HAS3: variants seen among roughly 807,000 people sequenced by gnomAD.
HAS3 encodes the protein HA synthase 3.
Under a neutral mutation model 50.3 loss-of-function variants are expected in HAS3, and 27 were observed. The observed-to-expected ratio is 0.54, with a 90% CI of 0.40 to 0.74. HAS3 has a LOEUF of 0.74. Ranked by LOEUF, HAS3 falls within the 30% of genes least tolerant of loss-of-function variation. The probability of loss-of-function intolerance (pLI) is 0.00; values close to 1 mark genes in which losing one functional copy is unlikely to be tolerated. For missense variants in HAS3, 517 were observed against 742.8 expected (o/e 0.70, Z 3.53); for synonymous variants, 339 against 310.9 (o/e 1.09, Z -0.95).
Position 69,117,562 on chromosome 16 carries a change from T to C in HAS3, c.*2296T>C. ...GTTTCTACAATAATTTGTAAACATA[T>C]TTATTTTTACCTGCTTTTTTTTTTT... On this transcript the variant is annotated 3_prime_UTR_variant, in exon 4 of 4. Coordinates refer to ENST00000569188, the MANE Select transcript of HAS3 (RefSeq NM_001199280.2). 1 of 897,330 alleles carries C rather than the reference T, an allele frequency of 1.1e-6. No individual in the cohort carries two copies. Among genetic ancestry groups the C allele is most frequent in the Non-Finnish European group, 1.3e-6 (1 of 754,756 alleles). The allele number at this position is 897,330 out of a possible 1,614,324, so 55.6% of individuals were successfully genotyped here.
chr16:69,102,201 C>T (rs906310500), upstream of HAS3, among the ~76,000 whole-genome samples: 2 of 152,136 alleles, frequency 1.3e-5, no homozygotes, highest in Admixed American at 6.6e-5. Flanking sequence ...AGGGCTTCAG[C>T]GTTTGTTAAA....
the HAS3 span, among the ~76,000 whole-genome samples, chr16:69,100,118 A>T: frequency 4.6e-5 from 7 of 152,208 alleles, no homozygotes; most frequent in Non-Finnish European, 1.0e-4. Flanking sequence ...TAACGGCAGC[A>T]CAGGAAAGTC....
rs1282247337 is a variant in HAS3 at position 69,106,097 on chromosome 16, G to T, written c.-1+310G>T. Among the ~76,000 whole-genome samples the T allele has an allele frequency of 2.6e-5, 4 of 152,100 alleles. No homozygotes were observed. The highest frequency in any genetic ancestry group is 4.8e-5 in the African/African-American group (2 of 41,448). ...GTGGCGCTCCCTGGGACCGCGCGGG[G>T]TCGGGGGTGCGCCCGCGGGGGCCCT... On this transcript the variant is annotated intron_variant, in intron 1 of 3. Coordinates refer to ENST00000569188, the MANE Select transcript of HAS3 (RefSeq NM_001199280.2). The surrounding 1 kb of genome is among the most constrained non-coding windows in gnomAD (Gnocchi z 5.5).
At chr16:69,117,803 T>A, downstream of HAS3, 1 of 195,184 alleles carries the variant, frequency 5.1e-6, no homozygotes, top group Non-Finnish European at 9.4e-6. Context: ...CATGGGGGCT[T>A]AACTTTTAGT....
upstream of HAS3, among the ~76,000 whole-genome samples, chr16:69,101,620 C>T (rs1273241764): frequency 6.6e-6 from 1 of 152,164 alleles, no homozygotes; most frequent in African/African-American, 2.4e-5. Context: ...AGCTATCCTT[C>T]CTACCTAAAA....
Position 69,114,774 on chromosome 16 carries a change from C to A in HAS3, c.1170C>A (p.Pro390=). The A allele has an allele frequency of 6.2e-7, 1 of 1,614,164 alleles. No homozygotes were observed. The highest frequency in any genetic ancestry group is 8.5e-7 in the Non-Finnish European group (1 of 1,180,040). Residue 390 remains proline, a synonymous_variant, in exon 4 of 4, where the codon CCC becomes CCA. Coordinates refer to ENST00000569188, the MANE Select transcript of HAS3 (RefSeq NM_001199280.2). The surrounding 1 kb of genome is among the most constrained non-coding windows in gnomAD (Gnocchi z 6.4). The part of the protein sequence containing the change: ...TYESVVTGFF[P]FFLIATVIQL... The stretch of plus-strand genomic sequence containing the variant: ...AGTCAGTGGTCACGGGTTTCTTCCC[C>A]TTCTTCCTCATTGCCACGGTTATAC...
Position 69,107,448 on chromosome 16 carries a change from T to A in HAS3, c.-1+1661T>A. 1.0e-6 allele frequency: 1 copy of A among 985,616 alleles called. No individual in the cohort carries two copies. 61.1% of individuals were successfully genotyped at this position (985,616 alleles called of 1,614,324 possible). A position where few individuals can be genotyped will look rare whatever the true frequency, so the allele number is the denominator to read the frequency against. On this transcript the variant is annotated intron_variant, in intron 1 of 3. Transcript: ENST00000569188. The surrounding 1 kb of genome is among the most constrained non-coding windows in gnomAD (Gnocchi z 5.5). ...TGGGATCCCTTGGGTTTTCCGTTCCTTCCCGGTTGGGTCGTGGGAAAGCGG... is the reference window on the plus strand; with the variant it reads ...TGGGATCCCTTGGGTTTTCCGTTCCATCCCGGTTGGGTCGTGGGAAAGCGG...
chr16:69,102,055 A>G (rs575304136), upstream of HAS3, among the ~76,000 whole-genome samples: 3 of 152,274 alleles, frequency 2.0e-5, no homozygotes, highest in South Asian at 4.1e-4. Flanking sequence ...AAGGGTTGGA[A>G]TTACAGGCAT....
At chr16:69,088,215 G>A in the HAS3 span, among the ~76,000 whole-genome samples, 5 of 152,072 alleles carry the variant, frequency 3.3e-5, no homozygotes, top group Admixed American at 6.6e-5. Flanking sequence ...TCTTACCCTC[G>A]GGGAGAGTTT....
upstream of HAS3, among the ~76,000 whole-genome samples, chr16:69,104,532 G>C (rs753285263): frequency 1.3e-5 from 2 of 152,122 alleles, no homozygotes; most frequent in South Asian, 2.1e-4. Context: ...TTCTGACCTC[G>C]TGATCCGCCC....
At chr16:69,110,332 T>C (rs1243996239) in intron 2 of HAS3, among the ~76,000 whole-genome samples, 1 of 152,138 alleles carries the variant, frequency 6.6e-6, no homozygotes, top group African/African-American at 2.4e-5. Context: ...GCGCCTGTAG[T>C]CCCAGCTACT....
chr16:69,104,603 T>A (rs1199266947), upstream of HAS3, among the ~76,000 whole-genome samples: 1 of 152,158 alleles, frequency 6.6e-6, no homozygotes, highest in Admixed American at 6.5e-5. Context: ...CCTGGCTAAT[T>A]TTTTAATTTT....
the HAS3 span, among the ~76,000 whole-genome samples, chr16:69,091,825 C>T: frequency 2.0e-5 from 3 of 152,194 alleles, no homozygotes; most frequent in South Asian, 4.1e-4. Flanking sequence ...ATCTCTGAGA[C>T]TCTGCCCTTG....
chr16:69,104,992 G>GGTTTTTTTTTTTTTTTTT (rs1567576954), upstream of HAS3, among the ~76,000 whole-genome samples: 1 of 81,958 alleles, frequency 1.2e-5, no homozygotes. Flanking sequence ...CTGTTTTTTG[G>GGTTTTTTTTTTTTTTTTT]TTTTTTTTTT....
chr16:69,114,302 C>A lies in HAS3; in HGVS notation c.739-41C>A. 1.3e-6 allele frequency: 2 copies of A among 1,544,916 alleles called. No homozygotes were observed. The highest frequency in any genetic ancestry group is 1.7e-6 in the Non-Finnish European group (2 of 1,150,620). On this transcript the variant is annotated intron_variant, in intron 3 of 3. Transcript: ENST00000569188. This position sits in a 1 kb window ranked among gnomAD's most constrained non-coding sequence, Gnocchi z 6.4. ...TGGTCTCTGATGTCTGTCCTCCGGACGTGCAACCTTAGGAGGCCCAGCATC... is the reference window on the plus strand; with the variant it reads ...TGGTCTCTGATGTCTGTCCTCCGGAAGTGCAACCTTAGGAGGCCCAGCATC...
chr16:69,104,601 A>T (rs1488387861), upstream of HAS3, among the ~76,000 whole-genome samples: 1 of 151,910 alleles, frequency 6.6e-6, no homozygotes, highest in African/African-American at 2.4e-5. Context: ...GCCCTGGCTA[A>T]TTTTTTAATT....
the HAS3 span, among the ~76,000 whole-genome samples, chr16:69,089,547 C>T: frequency 1.3e-5 from 2 of 152,206 alleles, no homozygotes; most frequent in Non-Finnish European, 2.9e-5. Context: ...CTGCAGTGCG[C>T]GGCACCTCTG....
rs975746312 is a variant in HAS3 at position 69,106,040 on chromosome 16, C to T, written c.-1+253C>T. Among the ~76,000 whole-genome samples the T allele has an allele frequency of 6.6e-6, 1 of 152,154 alleles. No homozygotes were observed. Among genetic ancestry groups the T allele is most frequent in the African/African-American group, 2.4e-5 (1 of 41,438 alleles). ...CTTGCGAGCCGGAGCCGCGTCCACC[C>T]GGGACTAGGCGTCCCCGCCGAGCGC... On this transcript the variant is annotated intron_variant, in intron 1 of 3. Transcript: ENST00000569188. This position sits in a 1 kb window ranked among gnomAD's most constrained non-coding sequence, Gnocchi z 5.5.
At chr16:69,111,440 G>A (rs1960998958) in intron 2 of HAS3, among the ~76,000 whole-genome samples, 2 of 152,180 alleles carry the variant, frequency 1.3e-5, no homozygotes, top group African/African-American at 4.8e-5. Flanking sequence ...CTCCACGCCT[G>A]CCAGAGCAGG....
Sources: allele counts gnomAD v4.1 joint callset (sites outside exome capture counted in the v4.1 genomes callset), GRCh38; gene constraint gnomAD v4.1.1; non-coding constraint Gnocchi (gnomAD v3.1); transcripts MANE v1.5; gene names NCBI Gene and HGNC (gene_info 2026-07-23, HGNC 2026-07-21).